The following ADAMTS19 variants were observed in gnomAD, a reference collection of about 807,000 sequenced individuals.
The protein encoded by ADAMTS19 is A disintegrin and metalloproteinase with thrombospondin motifs 19.
Under a neutral mutation model 153.3 loss-of-function variants are expected in ADAMTS19, and 93 were observed. The ratio of observed to expected loss-of-function variants is 0.61; its 90% CI spans 0.51 to 0.72. The LOEUF (loss-of-function observed/expected upper bound fraction) is 0.72, where lower values mean the gene tolerates loss of function less well. Among genes scored for constraint, ADAMTS19 ranks in the 30% least tolerant of loss-of-function variants. The probability of loss-of-function intolerance (pLI) is 0.00; values close to 1 mark genes in which losing one functional copy is unlikely to be tolerated. For missense variants in ADAMTS19, 1,482 were observed against 1,552.1 expected (o/e 0.95, Z 0.76); for synonymous variants, 600 against 556.6 (o/e 1.08, Z -1.10).
intron 21 of ADAMTS19, among the ~76,000 whole-genome samples, chr5:129,705,734 A>G (rs2127169983): frequency 6.6e-6 from 1 of 152,324 alleles, no homozygotes; most frequent in South Asian, 2.1e-4. Flanking sequence ...TTTTATGTTC[A>G]AGATTTGTTT....
chr5:129,535,494 AT>A (rs1292919890), intron 6 of ADAMTS19, among the ~76,000 whole-genome samples: 1 of 152,180 alleles, frequency 6.6e-6, no homozygotes, highest in Non-Finnish European at 1.5e-5. Context: ...GCCCAAGGTA[AT>A]TTAGAGATTC....
At chr5:129,617,774 T>A (rs1000182947) in intron 8 of ADAMTS19, among the ~76,000 whole-genome samples, 2 of 152,102 alleles carry the variant, frequency 1.3e-5, no homozygotes, top group African/African-American at 4.8e-5. Context: ...TAACTTAATA[T>A]CTAAGTAAAT....
In ADAMTS19 at chr5:129,662,008, A is replaced by G. The variant is rs558368463; in HGVS notation, c.2425+3271A>G. Among the ~76,000 whole-genome samples, 6 of 152,344 alleles carry G rather than the reference A, an allele frequency of 3.9e-5. 1 individual carries two copies. Among genetic ancestry groups the G allele is most frequent in the Admixed American group, 3.3e-4 (5 of 15,296 alleles). The stretch of plus-strand genomic sequence containing the variant: ...GCTTGGGTCAGCTAAATTACTGACA[A>G]TGCAGTGTTGGAAAGTGTTTTTTTC... On this transcript the variant is annotated intron_variant, in intron 15 of 22. Coordinates refer to ENST00000274487, the MANE Select transcript of ADAMTS19 (RefSeq NM_133638.6).
chr5:129,682,426 T>G (rs1754863886), intron 17 of ADAMTS19, among the ~76,000 whole-genome samples: 1 of 152,218 alleles, frequency 6.6e-6, no homozygotes, highest in Non-Finnish European at 1.5e-5. Flanking sequence ...GAGCTAATGG[T>G]TTTGTAGCCA....
chr5:129,677,829 G>T (rs927246823), intron 16 of ADAMTS19, among the ~76,000 whole-genome samples: 1 of 151,330 alleles, frequency 6.6e-6, no homozygotes, highest in Non-Finnish European at 1.5e-5. Flanking sequence ...CCCCCACCCC[G>T]CCAGACCACA....
intron 7 of ADAMTS19, among the ~76,000 whole-genome samples, chr5:129,561,808 C>T (rs1753529089): frequency 6.7e-6 from 1 of 150,094 alleles, no homozygotes; most frequent in Admixed American, 6.7e-5. Flanking sequence ...AATGTTGACA[C>T]ATTTCACCCT....
intron 2 of ADAMTS19, among the ~76,000 whole-genome samples, chr5:129,489,340 G>T (rs1378518596): frequency 3.3e-5 from 5 of 152,142 alleles, no homozygotes; most frequent in African/African-American, 1.2e-4. Context: ...AGACCAATGT[G>T]GTTATATTAT....
Position 129,679,806 on chromosome 5 carries a change from A to T in ADAMTS19, c.2549A>T (p.Lys850Met). 6.2e-7 allele frequency: 1 copy of T among 1,613,918 alleles called. No individual in the cohort carries two copies. Among genetic ancestry groups the T allele is most frequent in the East Asian group, 2.2e-5 (1 of 44,864 alleles). ...AAACAGTCTATTAATAGTGACTGGA[A>T]GATTGAACACTCTGGAGCCTTCAAT... ...AGKQSINSDW[K>M]IEHSGAFNLA... Residue 850 changes from lysine (K) to methionine (M), a missense_variant, in exon 17 of 23, where the codon AAG becomes ATG. Around this residue, in one of 2 missense-constraint regions of ADAMTS19, gnomAD observed 616 missense variants for 724.4 expected, o/e 0.85. Transcript: ENST00000274487.
At position 129,567,787 on chromosome 5, in the gene ADAMTS19, G is replaced by C. The variant is rs376872941; in HGVS notation, c.1372+15880G>C. Among the ~76,000 whole-genome samples, 25 of 151,884 alleles carry C rather than the reference G, an allele frequency of 1.6e-4. No homozygotes were observed. In the East Asian group the frequency reaches 4.3e-3, roughly 26 times the overall value. ...TATGACTGAAGACTTCTCACATTTG[G>C]AAAAAAATTTAAACCATCAGATTTA... is the stretch of plus-strand genomic sequence containing the variant. On this transcript the variant is annotated intron_variant, in intron 7 of 22. Coordinates refer to ENST00000274487, the MANE Select transcript of ADAMTS19 (RefSeq NM_133638.6).
chr5:129,686,962 A>G (rs1398130789), intron 18 of ADAMTS19, among the ~76,000 whole-genome samples: 1 of 151,914 alleles, frequency 6.6e-6, no homozygotes, highest in Non-Finnish European at 1.5e-5. Flanking sequence ...CTATCCTCCC[A>G]TCCTCTCCTG....
At chr5:129,507,661 C>CGTGTGTGT (rs71749669) in intron 2 of ADAMTS19, among the ~76,000 whole-genome samples, 10 of 142,374 alleles carry the variant, frequency 7.0e-5, no homozygotes, top group African/African-American at 2.3e-4. Context: ...TGCCTGTGTA[C>CGTGTGTGT]GTGTGTGTGT....
chr5:129,677,739 A>C (rs901185392), intron 16 of ADAMTS19, among the ~76,000 whole-genome samples: 2 of 152,034 alleles, frequency 1.3e-5, no homozygotes, highest in East Asian at 3.9e-4. Context: ...GTTATATCTT[A>C]TCTTCCCTGT....
intron 20 of ADAMTS19, among the ~76,000 whole-genome samples, 188 bp downstream of exon 20, chr5:129,701,780 C>A (rs1755873344): frequency 6.6e-6 from 1 of 152,056 alleles, no homozygotes; most frequent in Non-Finnish European, 1.5e-5. Flanking sequence ...TATTTACTTT[C>A]TATTCTATAA....
chr5:129,620,514 C>T, intron 8 of ADAMTS19, 104 bp from the exon 9 acceptor site: 3 of 815,338 alleles, frequency 3.7e-6, no homozygotes, highest in Non-Finnish European at 5.0e-6. Context: ...ATTTGGCCCC[C>T]AGTATTTTAA....
At chr5:129,648,192 G>A (rs1753152811) in intron 12 of ADAMTS19, among the ~76,000 whole-genome samples, 2 of 152,142 alleles carry the variant, frequency 1.3e-5, no homozygotes, top group Admixed American at 1.3e-4. Flanking sequence ...AACATTTACA[G>A]GAACTGGGAG....
At chr5:129,482,914 T>C (rs1750463184) in intron 2 of ADAMTS19, among the ~76,000 whole-genome samples, 1 of 152,216 alleles carries the variant, frequency 6.6e-6, no homozygotes, top group Admixed American at 6.5e-5. Context: ...ATTCTTATTA[T>C]ATTTTGGTAT....
intron 2 of ADAMTS19, among the ~76,000 whole-genome samples, chr5:129,467,473 C>T (rs1749904036): frequency 6.6e-6 from 1 of 152,088 alleles, no homozygotes; most frequent in Admixed American, 6.5e-5. Flanking sequence ...CAAAACTCAG[C>T]ATGGCATAAG....
intron 8 of ADAMTS19, among the ~76,000 whole-genome samples, chr5:129,609,629 A>G (rs943375224): frequency 6.6e-6 from 1 of 152,166 alleles, no homozygotes; most frequent in Middle Eastern, 3.2e-3. Flanking sequence ...TACCACGTAG[A>G]ATAATAAGCA....
At chr5:129,614,114 G>C (rs1751381485) in intron 8 of ADAMTS19, among the ~76,000 whole-genome samples, 1 of 152,108 alleles carries the variant, frequency 6.6e-6, no homozygotes, top group African/African-American at 2.4e-5. Flanking sequence ...GGTACAAGGA[G>C]GAGCTGGTAC....
Sources: gnomAD v4.1 joint callset for allele counts (sites outside exome capture counted in the v4.1 genomes callset) on GRCh38, gnomAD v4.1.1 for gene constraint, gnomAD v4.1.1 regional missense constraint, MANE v1.5 for transcripts, NCBI Gene and HGNC (gene_info 2026-07-23, HGNC 2026-07-21) for gene names.